Variants in GPC6 observed in about 807,000 individuals in gnomAD.
GPC6 encodes the protein glypican-6.
Under a neutral mutation model 55.2 loss-of-function variants are expected in GPC6, and 14 were observed. The ratio of observed to expected loss-of-function variants is 0.25; its 90% CI spans 0.17 to 0.40. The LOEUF (loss-of-function observed/expected upper bound fraction) is 0.40. Among genes scored for constraint, GPC6 ranks in the 10% least tolerant of loss-of-function variants. The pLI, the probability that GPC6 is intolerant of heterozygous loss-of-function variation, is 1.00. For synonymous variants in GPC6, 278 were observed against 259.6 expected, an observed-to-expected ratio of 1.07 and a Z score of -0.68; for missense variants, 641 against 708.5, an observed-to-expected ratio of 0.90 and a Z score of 1.08.
chr13:94,289,192 C>G (rs1874804319), intron 5 of GPC6, among the ~76,000 whole-genome samples: 2 of 151,496 alleles, frequency 1.3e-5, no homozygotes, highest in South Asian at 4.2e-4. Context: ...AGAAATGGAC[C>G]CATTTCAAGC....
chr13:94,061,908 G>A (rs1445121371), intron 4 of GPC6, among the ~76,000 whole-genome samples: 1 of 152,120 alleles, frequency 6.6e-6, no homozygotes, highest in Non-Finnish European at 1.5e-5. Flanking sequence ...GCTCAGTGAA[G>A]CTAAAAGAAA....
At chr13:93,409,215 C>T (rs897431063) in intron 1 of GPC6, among the ~76,000 whole-genome samples, 1 of 151,326 alleles carries the variant, frequency 6.6e-6, no homozygotes, top group Non-Finnish European at 1.5e-5. Flanking sequence ...ATAGTTGTCA[C>T]GTATTACTGC....
chr13:93,988,288 A>C (rs1594645277), intron 3 of GPC6, among the ~76,000 whole-genome samples: 1 of 151,964 alleles, frequency 6.6e-6, no homozygotes, highest in Admixed American at 6.6e-5. Context: ...CTTCCTCCCC[A>C]TGGCCTGAAA....
intron 2 of GPC6, among the ~76,000 whole-genome samples, chr13:93,589,376 C>A (rs570409897): frequency 6.6e-6 from 1 of 152,300 alleles, no homozygotes; most frequent in Non-Finnish European, 1.5e-5. Flanking sequence ...GTATATCTTT[C>A]ATTAATTCAA....
chr13:94,073,189 A>C (rs1241967314), intron 4 of GPC6, among the ~76,000 whole-genome samples: 2 of 152,188 alleles, frequency 1.3e-5, no homozygotes, highest in Non-Finnish European at 1.5e-5. Context: ...GAAGTAGTTT[A>C]GTAATGATTC....
In GPC6 at chr13:93,258,784, T is replaced by TA. The variant is rs1877038204; in HGVS notation, c.160+31174dup. On this transcript the variant is annotated intron_variant, in intron 1 of 8. Transcript: ENST00000377047. ...TGAGGCCCCATCTCTACAGAAAAAATAAAAAATAAAAAAAAATTAGCCTGG... is the reference window on the plus strand; with the variant it reads ...TGAGGCCCCATCTCTACAGAAAAAATAAAAAAATAAAAAAAAATTAGCCTGG... Among the ~76,000 whole-genome samples the TA allele has an allele frequency of 2.0e-5, 3 of 151,000 alleles. No individual in the cohort carries two copies. In the South Asian group the frequency reaches 6.3e-4, roughly 32 times the overall value.
chr13:93,482,700 G>A (rs980859187), intron 1 of GPC6, among the ~76,000 whole-genome samples: 1 of 152,124 alleles, frequency 6.6e-6, no homozygotes, highest in Non-Finnish European at 1.5e-5. Context: ...AGGTGGCATG[G>A]AATGTTTAAA....
intron 3 of GPC6, among the ~76,000 whole-genome samples, chr13:93,875,663 TAGAAAGAAAGCA>T (rs1889269989): frequency 6.6e-6 from 1 of 152,032 alleles, no homozygotes; most frequent in African/African-American, 2.4e-5. Flanking sequence ...TGAGATAATA[TAGAAAGAAAGCA>T]TTTAGCTTAG....
intron 1 of GPC6, among the ~76,000 whole-genome samples, chr13:93,514,237 G>A (rs1484744499): frequency 6.6e-6 from 1 of 152,092 alleles, no homozygotes; most frequent in African/African-American, 2.4e-5. Context: ...TGGCTGAACA[G>A]ACGTCTGTGT....
chr13:94,035,562 C>T (rs539135124), intron 4 of GPC6, among the ~76,000 whole-genome samples: 8 of 151,992 alleles, frequency 5.3e-5, no homozygotes, highest in Non-Finnish European at 7.4e-5. Flanking sequence ...GAGTCCTTCA[C>T]GTGGTGACCA....
chr13:93,691,673 C>T (rs1466665730), intron 2 of GPC6, among the ~76,000 whole-genome samples: 1 of 151,976 alleles, frequency 6.6e-6, no homozygotes, highest in African/African-American at 2.4e-5. Context: ...TTACATTATA[C>T]AACTCTTGGT....
At chr13:94,389,558 C>T (rs1880555002) in intron 7 of GPC6, among the ~76,000 whole-genome samples, 1 of 152,112 alleles carries the variant, frequency 6.6e-6, no homozygotes, top group Non-Finnish European at 1.5e-5. Context: ...AGAACATAGC[C>T]ATGTTAAACT....
chr13:93,474,118 T>G (rs1879221773), intron 1 of GPC6, among the ~76,000 whole-genome samples: 1 of 152,206 alleles, frequency 6.6e-6, no homozygotes, highest in South Asian at 2.1e-4. Flanking sequence ...TGTTGATATT[T>G]ATATTTTTAG....
intron 3 of GPC6, among the ~76,000 whole-genome samples, chr13:93,913,499 T>C (rs1877118796): frequency 6.6e-6 from 1 of 152,206 alleles, no homozygotes; most frequent in Non-Finnish European, 1.5e-5. Flanking sequence ...TTTTGTTTTG[T>C]TTTGTTTTCT....
At chr13:94,203,944 G>A (rs1050915737) in intron 4 of GPC6, among the ~76,000 whole-genome samples, 1 of 151,950 alleles carries the variant, frequency 6.6e-6, no homozygotes, top group African/African-American at 2.4e-5. Context: ...AACCAGAGAT[G>A]GGATGAATTC....
At chr13:93,565,025 C>T (rs1876022723) in intron 2 of GPC6, among the ~76,000 whole-genome samples, 1 of 152,132 alleles carries the variant, frequency 6.6e-6, no homozygotes, top group African/African-American at 2.4e-5. Flanking sequence ...GCATTTTTGT[C>T]AATTTCCCTT....
intron 3 of GPC6, among the ~76,000 whole-genome samples, chr13:93,925,855 C>A (rs1204209116): frequency 6.6e-6 from 1 of 152,162 alleles, no homozygotes; most frequent in East Asian, 1.9e-4. Context: ...TGGATCTTCT[C>A]CACATACTGT....
chr13:93,321,112 A>G (rs745905513), intron 1 of GPC6, among the ~76,000 whole-genome samples: 20 of 152,278 alleles, frequency 1.3e-4, no homozygotes, highest in Admixed American at 5.2e-4. Flanking sequence ...ATTTAAAACT[A>G]TGATGAGGTC....
chr13:94,392,017 A>G (rs1424752445), intron 7 of GPC6, among the ~76,000 whole-genome samples: 1 of 152,176 alleles, frequency 6.6e-6, no homozygotes, highest in Non-Finnish European at 1.5e-5. Context: ...CTATGTGTAT[A>G]CCATATTTTA....
Sources: allele counts gnomAD v4.1 joint callset (sites outside exome capture counted in the v4.1 genomes callset), GRCh38; gene constraint gnomAD v4.1.1; transcripts MANE v1.5; gene names NCBI Gene and HGNC (gene_info 2026-07-23, HGNC 2026-07-21).